Variants in MDGA2 observed in about 807,000 individuals in gnomAD.
The protein encoded by MDGA2 is MAM domain containing glycosylphosphatidylinositol anchor 2.
Under a neutral mutation model 117.8 loss-of-function variants are expected in MDGA2, and 40 were observed. That is an observed-to-expected ratio of 0.34 (90% CI 0.26 to 0.44). The LOEUF is 0.44. Ranked by LOEUF, MDGA2 falls within the 20% of genes least tolerant of loss-of-function variation. The pLI is 1.00. For missense variants in MDGA2, 1,123 were observed against 1,250.6 expected (o/e 0.90, Z 1.54); for synonymous variants, 452 against 439.0 (o/e 1.03, Z -0.37).
At chr14:47,041,550 T>A (rs1304454133) in intron 7 of MDGA2, among the ~76,000 whole-genome samples, 1 of 152,022 alleles carries the variant, frequency 6.6e-6, no homozygotes, top group Non-Finnish European at 1.5e-5. Context: ...CTTGATATTT[T>A]TTTGCCTGAA....
chr14:47,466,128 T>C (rs956851642), intron 1 of MDGA2, among the ~76,000 whole-genome samples: 1 of 151,960 alleles, frequency 6.6e-6, no homozygotes, highest in African/African-American at 2.4e-5. Flanking sequence ...TGAGATCTTA[T>C]AAGCACAAAA....
intron 3 of MDGA2, among the ~76,000 whole-genome samples, chr14:47,169,224 T>C (rs895862412): frequency 6.6e-6 from 1 of 152,012 alleles, no homozygotes; most frequent in Non-Finnish European, 1.5e-5. Flanking sequence ...ATGAGTTCGA[T>C]ATGACCAAAT....
intron 1 of MDGA2, among the ~76,000 whole-genome samples, chr14:47,508,119 A>C (rs924344999): frequency 1.3e-5 from 2 of 152,228 alleles, no homozygotes; most frequent in African/African-American, 4.8e-5. Flanking sequence ...CTTCCAACAT[A>C]AGGATAGCTA....
chr14:47,113,544 C>T (rs1355405144), intron 5 of MDGA2, among the ~76,000 whole-genome samples: 1 of 152,056 alleles, frequency 6.6e-6, no homozygotes, highest in Non-Finnish European at 1.5e-5. Flanking sequence ...TCCAGCAGTA[C>T]ATCAAAAAGC....
intron 1 of MDGA2, among the ~76,000 whole-genome samples, chr14:47,360,075 G>C (rs1005504263): frequency 6.6e-6 from 1 of 152,152 alleles, no homozygotes; most frequent in Non-Finnish European, 1.5e-5. Context: ...CAAAGGGCCG[G>C]GTGCAGTGGC....
chr14:46,993,680 T>TGAACTCCTGGTCTC (rs1447505651), intron 8 of MDGA2, among the ~76,000 whole-genome samples: 3 of 152,060 alleles, frequency 2.0e-5, no homozygotes, highest in African/African-American at 7.2e-5. Context: ...AGGCTGGTCT[T>TGAACTCCTGGTCTC]GAACTCCTGG....
At chr14:47,552,259 A>C (rs1297419279) in intron 1 of MDGA2, among the ~76,000 whole-genome samples, 1 of 152,172 alleles carries the variant, frequency 6.6e-6, no homozygotes, top group South Asian at 2.1e-4. Flanking sequence ...TGACTGTCGT[A>C]TGTATCCCTC....
chr14:47,276,844 T>C (rs1369682230), intron 2 of MDGA2, among the ~76,000 whole-genome samples: 12 of 152,204 alleles, frequency 7.9e-5, no homozygotes. Context: ...TATCTTCTTC[T>C]GACTAGAGTC....
At chr14:47,336,247 C>A (rs1890453333) in intron 1 of MDGA2, among the ~76,000 whole-genome samples, 1 of 151,718 alleles carries the variant, frequency 6.6e-6, no homozygotes, top group African/African-American at 2.4e-5. Flanking sequence ...CATCACTGAC[C>A]ACAACAGAAG....
chr14:47,072,266 A>C (rs748086936), intron 6 of MDGA2, among the ~76,000 whole-genome samples: 6 of 152,158 alleles, frequency 3.9e-5, no homozygotes, highest in Non-Finnish European at 8.8e-5. Flanking sequence ...ATGTGGATAG[A>C]GACATTATAG....
chr14:47,242,625 T>A (rs556107260), intron 2 of MDGA2, among the ~76,000 whole-genome samples: 2 of 151,732 alleles, frequency 1.3e-5, no homozygotes, highest in African/African-American at 4.8e-5. Flanking sequence ...CCCCCAGCAG[T>A]GCTGGCCCAC....
rs558073184 is a variant in MDGA2 at position 47,209,615 on chromosome 14, T to C, written c.595+8406A>G. Reference sequence around the variant, plus strand: ...TTCTCTAATGTCTTCTGAACACGAATCAGTAAACAGGTATGTAATAGGATT... The same window carrying C: ...TTCTCTAATGTCTTCTGAACACGAACCAGTAAACAGGTATGTAATAGGATT... On this transcript the variant is annotated intron_variant, in intron 3 of 16. Transcript: ENST00000399232. Among the ~76,000 whole-genome samples, 13 of 152,302 alleles carry C rather than the reference T, an allele frequency of 8.5e-5. No homozygotes were observed. The East Asian group carries it at 2.3e-3, about 27-fold the overall frequency.
chr14:47,067,503 T>C (rs1890128483), intron 6 of MDGA2, among the ~76,000 whole-genome samples: 1 of 152,232 alleles, frequency 6.6e-6, no homozygotes, highest in Non-Finnish European at 1.5e-5. Flanking sequence ...ATGATCTTAA[T>C]TTTTTAAGTT....
chr14:47,135,633 T>C (rs1882416224), intron 4 of MDGA2, among the ~76,000 whole-genome samples: 1 of 151,386 alleles, frequency 6.6e-6, no homozygotes, highest in South Asian at 2.1e-4. Context: ...GTGGGCGGGG[T>C]CAAGGTTTAA....
intron 1 of MDGA2, among the ~76,000 whole-genome samples, chr14:47,464,123 AC>A (rs1893549187): frequency 6.6e-6 from 1 of 151,562 alleles, no homozygotes; most frequent in Non-Finnish European, 1.5e-5. Flanking sequence ...ACACACACAC[AC>A]ACACACACAC....
In MDGA2 at chr14:46,841,876, C is replaced by T. The variant is rs1880625856; in HGVS notation, c.*55G>A. The stretch of plus-strand genomic sequence containing the variant: ...TTTGTTCAATGTCCATTTACAAAGA[C>T]TCTTTCTTCATGCCAGTGCCTGGTG... On this transcript the variant is annotated 3_prime_UTR_variant, in exon 17 of 17. Coordinates refer to ENST00000399232, the MANE Select transcript of MDGA2 (RefSeq NM_001113498.3). 1.7e-6 allele frequency: 2 copies of T among 1,181,156 alleles called. No individual in the cohort carries two copies. Among genetic ancestry groups the T allele is most frequent in the South Asian group, 1.4e-5 (1 of 73,236 alleles). 73.2% of individuals were successfully genotyped at this position (1,181,156 alleles called of 1,614,324 possible).
intron 8 of MDGA2, among the ~76,000 whole-genome samples, chr14:47,011,023 G>A (rs1887879335): frequency 6.6e-6 from 1 of 152,102 alleles, no homozygotes; most frequent in Middle Eastern, 3.4e-3. Context: ...TATGTACAGA[G>A]AGTATTTAAG....
At chr14:47,163,881 T>C (rs182514351) in intron 3 of MDGA2, among the ~76,000 whole-genome samples, 303 of 152,290 alleles carry the variant, frequency 2.0e-3, no homozygotes, top group African/African-American at 6.9e-3. Flanking sequence ...GAATTTAATA[T>C]GAGCACAACA....
intron 1 of MDGA2, among the ~76,000 whole-genome samples, chr14:47,323,972 G>A (rs140978071): frequency 2.3e-4 from 35 of 152,190 alleles, no homozygotes; most frequent in African/African-American, 7.7e-4. Flanking sequence ...TGGGCCAGGC[G>A]TGGTGGCTCA....
Sources: allele counts gnomAD v4.1 joint callset (sites outside exome capture counted in the v4.1 genomes callset), GRCh38; gene constraint gnomAD v4.1.1; transcripts MANE v1.5; gene names NCBI Gene and HGNC (gene_info 2026-07-23, HGNC 2026-07-21).